The following ZNF66 variants were observed in gnomAD, a reference collection of about 807,000 sequenced individuals.
The protein encoded by ZNF66 is zinc finger protein 66.
Under a neutral mutation model 35.2 loss-of-function variants are expected in ZNF66, and 32 were observed. That is an observed-to-expected ratio of 0.91 (90% CI 0.69 to 1.22). ZNF66 has a LOEUF of 1.22. Ranked by LOEUF, ZNF66 falls within the 50% of genes most tolerant of loss-of-function variation. The pLI is 0.00. For missense variants in ZNF66, 666 were observed against 543.1 expected, an observed-to-expected ratio of 1.23 and a Z score of -2.25; for synonymous variants, 231 against 181.3, an observed-to-expected ratio of 1.27 and a Z score of -2.20.
chr19:20,798,021 CTG>C (rs1408078247), intron 3 of ZNF66, among the ~76,000 whole-genome samples: 1 of 151,410 alleles, frequency 6.6e-6, no homozygotes, highest in African/African-American at 2.4e-5. Context: ...ATATGTATGT[CTG>C]TTTATAAATA....
Position 20,809,517 on chromosome 19 carries a change from G to A in ZNF66, c.*2195G>A, listed in dbSNP as rs11878845. Among the ~76,000 whole-genome samples, 25,734 of 151,996 alleles carry A rather than the reference G, an allele frequency of 0.17. 2,491 individuals carry two copies. The highest frequency in any genetic ancestry group is 0.25 in the African/African-American group (10,527 of 41,422). On this transcript the variant is annotated 3_prime_UTR_variant, in exon 4 of 4. Coordinates refer to ENST00000344519, the MANE Select transcript of ZNF66 (RefSeq NM_001355197.2). ...CTCTATAAGCCAGAAGAGAGTGGGG[G>A]CCAATATTCAACATTCTTAAAGAAA...
intron 3 of ZNF66, among the ~76,000 whole-genome samples, chr19:20,797,581 TG>T: frequency 6.6e-6 from 1 of 151,726 alleles, no homozygotes; most frequent in African/African-American, 2.4e-5. Flanking sequence ...TTTTTTTTTT[TG>T]GGATGGAGTC....
At chr19:20,796,089 A>AC in intron 3 of ZNF66, among the ~76,000 whole-genome samples, 1 of 152,310 alleles carries the variant, frequency 6.6e-6, no homozygotes, top group Non-Finnish European at 1.5e-5. Flanking sequence ...GGGTCTTGCT[A>AC]CATAACCCAG....
intron 2 of ZNF66, 67 bp downstream of exon 2, chr19:20,792,705 T>A: frequency 1.1e-6 from 1 of 923,042 alleles, no homozygotes; most frequent in East Asian, 2.8e-5. Flanking sequence ...TTTTGTAGAA[T>A]GTTAGTAATT....
chr19:20,788,174 C>A lies in ZNF66; in HGVS notation c.4-4338C>A, dbSNP rs186387584. ...TAAAGAAGGAGGAGATCTGGAGACT[C>A]AAACAGATAAACTAGTTGCTTCAAT... On this transcript the variant is annotated intron_variant, in intron 1 of 3. Transcript: ENST00000344519. Among the ~76,000 whole-genome samples, 73 of 152,156 alleles carry A rather than the reference C, an allele frequency of 4.8e-4. No homozygotes were observed. In the East Asian group the frequency reaches 0.013, roughly 27 times the overall value.
chr19:20,776,642 G>A (rs1971197431), intron 1 of ZNF66, among the ~76,000 whole-genome samples, 192 bp downstream of exon 1: 2 of 152,192 alleles, frequency 1.3e-5, no homozygotes, highest in Non-Finnish European at 2.9e-5. Flanking sequence ...CCCGCGCAGT[G>A]ACTGTGCCCC....
At position 20,809,330 on chromosome 19, in the gene ZNF66, C is replaced by T. The variant is rs369300019; in HGVS notation, c.*2008C>T. ...ATTCAGATTCAGGAAATACAGAGAACGCCACAAAGATACTCCTTGAGAAGA... is the reference window on the plus strand; with the variant it reads ...ATTCAGATTCAGGAAATACAGAGAATGCCACAAAGATACTCCTTGAGAAGA... On this transcript the variant is annotated 3_prime_UTR_variant, in exon 4 of 4. Coordinates refer to ENST00000344519, the MANE Select transcript of ZNF66 (RefSeq NM_001355197.2). Among the ~76,000 whole-genome samples, 8 of 151,782 alleles carry T rather than the reference C, an allele frequency of 5.3e-5. No homozygotes were observed. Among genetic ancestry groups the T allele is most frequent in the East Asian group, 1.9e-4 (1 of 5,166 alleles).
At chr19:20,798,303 G>C (rs557417518) in intron 3 of ZNF66, among the ~76,000 whole-genome samples, 1 of 152,038 alleles carries the variant, frequency 6.6e-6, no homozygotes, top group East Asian at 1.9e-4. Context: ...CTATTGAAGT[G>C]TACATTTCAG....
At chr19:20,793,559 G>C (rs55946377) in intron 2 of ZNF66, among the ~76,000 whole-genome samples, 14,161 of 151,790 alleles carry the variant, frequency 0.093, 678 homozygotes, top group Middle Eastern at 0.11. Context: ...CTGACCTTAG[G>C]ATCTGCCTGC....
chr19:20,799,971 A>T (rs420639), intron 3 of ZNF66, among the ~76,000 whole-genome samples: 14,174 of 152,216 alleles, frequency 0.093, 680 homozygotes, highest in Middle Eastern at 0.11. Context: ...CTAGTTTCAT[A>T]AAGTTTTTGT....
intron 1 of ZNF66, among the ~76,000 whole-genome samples, chr19:20,779,732 G>A (rs1971228049): frequency 6.8e-6 from 1 of 147,646 alleles, no homozygotes; most frequent in Non-Finnish European, 1.5e-5. Context: ...TTTAAGACCA[G>A]CCTGACCAAC....
At chr19:20,795,411 A>G (rs1971382619) in intron 3 of ZNF66, among the ~76,000 whole-genome samples, 1 of 148,508 alleles carries the variant, frequency 6.7e-6, no homozygotes. Flanking sequence ...CCTGTTGCCC[A>G]AGATGGAGTG....
chr19:20,781,934 C>CTTTTA (rs1398498146), intron 1 of ZNF66, among the ~76,000 whole-genome samples: 1 of 151,646 alleles, frequency 6.6e-6, no homozygotes, highest in African/African-American at 2.4e-5. Context: ...TTGACTAAAT[C>CTTTTA]TTTTATTTTA....
rs759432010 is a variant in ZNF66, at chr19:20,806,447, A to T, written c.847A>T (p.Lys283Ter). The T allele has an allele frequency of 9.1e-6, 14 of 1,545,218 alleles. No individual in the cohort carries two copies. Among genetic ancestry groups the T allele is most frequent in the East Asian group, 6.7e-5 (3 of 44,534 alleles). Residue 283 changes from lysine to a stop codon, truncating the protein, a stop_gained, in exon 4 of 4, where the codon AAA (lysine) becomes TAA (stop). Coordinates refer to ENST00000344519, the MANE Select transcript of ZNF66 (RefSeq NM_001355197.2). LOFTEE classifies it high-confidence loss of function. ...ACATAAGAGAATTCATACTGGAGAG[A>T]AACCCTACAAATGTGAAGAATGTGG... ...TTHKRIHTGEKPYKCEECGKV... is the reference protein window; with the variant it reads ...TTHKRIHTGE
At chr19:20,778,743 A>G (rs1218005011) in intron 1 of ZNF66, among the ~76,000 whole-genome samples, 4 of 150,450 alleles carry the variant, frequency 2.7e-5, no homozygotes, top group Non-Finnish European at 5.9e-5. Context: ...AGATCATGCC[A>G]CTGAACTCCA....
intron 1 of ZNF66, among the ~76,000 whole-genome samples, chr19:20,777,823 A>G (rs1971209864): frequency 6.6e-6 from 1 of 151,946 alleles, no homozygotes; most frequent in Admixed American, 6.6e-5. Flanking sequence ...ATGAGGTTTC[A>G]CCATGTTTGC....
intron 1 of ZNF66, among the ~76,000 whole-genome samples, chr19:20,786,935 AT>A (rs1971292313): frequency 1.3e-5 from 2 of 151,986 alleles, no homozygotes; most frequent in Non-Finnish European, 2.9e-5. Flanking sequence ...CTAATTTTGT[AT>A]TTTTAGTAGA....
chr19:20,782,300 G>A (rs1971252286), intron 1 of ZNF66, among the ~76,000 whole-genome samples: 1 of 152,168 alleles, frequency 6.6e-6, no homozygotes, highest in Non-Finnish European at 1.5e-5. Context: ...GCCTGTCCTT[G>A]TCTTTGCTAT....
In ZNF66 at chr19:20,800,586, ACT is replaced by A. The variant is rs573572193; in HGVS notation, c.227-5238_227-5237del. 2.6e-5 allele frequency among the ~76,000 whole-genome samples: 4 copies of A among 152,090 alleles called. No homozygotes were observed. In the East Asian group the frequency reaches 5.8e-4, roughly 22 times the overall value. Reference sequence around the variant, plus strand: ...TACTCTTGGCAACCAAAAAGATTAGACTCTATCAATTCAAATAAGAGCTGGTT... The same window carrying A: ...TACTCTTGGCAACCAAAAAGATTAGACTATCAATTCAAATAAGAGCTGGTT... On this transcript the variant is annotated intron_variant, in intron 3 of 3. Coordinates refer to ENST00000344519, the MANE Select transcript of ZNF66 (RefSeq NM_001355197.2).
Sources: gnomAD v4.1 joint callset for allele counts (sites outside exome capture counted in the v4.1 genomes callset) on GRCh38, gnomAD v4.1.1 for gene constraint, MANE v1.5 for transcripts, NCBI Gene and HGNC (gene_info 2026-07-23, HGNC 2026-07-21) for gene names.